The following SNTG1 variants were observed in gnomAD, a reference collection of about 807,000 sequenced individuals.
The protein encoded by SNTG1 is syntrophin gamma 1.
In SNTG1, 39 loss-of-function variants were observed where a neutral mutation model predicts 74.7. That is an observed-to-expected ratio of 0.52 (90% confidence interval 0.40 to 0.68). The LOEUF (loss-of-function observed/expected upper bound fraction) is 0.68, where lower values mean the gene tolerates loss of function less well. SNTG1 is among the 30% of genes least tolerant of loss of function. The pLI is 0.00. For synonymous variants in SNTG1, 254 were observed against 217.1 expected (o/e 1.17, Z -1.49); for missense variants, 685 against 609.5 (o/e 1.12, Z -1.30).
intron 1 of SNTG1, among the ~76,000 whole-genome samples, chr8:50,148,486 C>A (rs528403640): frequency 6.6e-6 from 1 of 152,112 alleles, no homozygotes; most frequent in Non-Finnish European, 1.5e-5. Context: ...TATACATATG[C>A]CATGTTGGTG....
chr8:50,363,379 G>T (rs2092015895), intron 2 of SNTG1, among the ~76,000 whole-genome samples: 1 of 152,182 alleles, frequency 6.6e-6, no homozygotes, highest in Non-Finnish European at 1.5e-5. Flanking sequence ...AGTGGCAGTG[G>T]TGGCCGAAGG....
intron 13 of SNTG1, among the ~76,000 whole-genome samples, chr8:50,635,263 T>C (rs534305901): frequency 3.7e-4 from 56 of 152,130 alleles, no homozygotes; most frequent in Non-Finnish European, 6.5e-4. Context: ...GTGACAACTT[T>C]AGTTTGGCCA....
intron 1 of SNTG1, among the ~76,000 whole-genome samples, chr8:50,160,294 C>A (rs913428144): frequency 4.6e-5 from 7 of 152,094 alleles, no homozygotes; most frequent in Non-Finnish European, 1.0e-4. Flanking sequence ...TCAATAATAT[C>A]TGAAATTTTT....
At chr8:50,131,531 A>G (rs1203121603) in intron 1 of SNTG1, among the ~76,000 whole-genome samples, 1 of 152,134 alleles carries the variant, frequency 6.6e-6, no homozygotes, top group Non-Finnish European at 1.5e-5. Flanking sequence ...ATAATATTCC[A>G]TTGTACATAT....
chr8:50,058,421 C>T (rs1021192732), intron 1 of SNTG1, among the ~76,000 whole-genome samples: 1 of 152,042 alleles, frequency 6.6e-6, no homozygotes, highest in South Asian at 2.1e-4. Context: ...GTCTCTATTT[C>T]CTATAAGGAA....
intron 1 of SNTG1, among the ~76,000 whole-genome samples, chr8:50,066,784 T>A (rs1820933148): frequency 1.3e-5 from 2 of 152,332 alleles, no homozygotes; most frequent in African/African-American, 2.4e-5. Flanking sequence ...TCACAGACAA[T>A]TCCCTCTGCA....
chr8:50,533,680 G>A (rs1277571490), intron 10 of SNTG1, among the ~76,000 whole-genome samples: 1 of 152,026 alleles, frequency 6.6e-6, no homozygotes, highest in East Asian at 1.9e-4. Flanking sequence ...TAAATAACAG[G>A]TCTATAATAT....
chr8:50,646,955 C>CA (rs1435987008), intron 13 of SNTG1, among the ~76,000 whole-genome samples: 3 of 151,778 alleles, frequency 2.0e-5, no homozygotes, highest in South Asian at 2.1e-4. Context: ...AAGAATACAA[C>CA]AAAAAAGGTG....
chr8:50,305,335 G>A (rs1053549499), intron 2 of SNTG1, among the ~76,000 whole-genome samples: 28 of 151,902 alleles, frequency 1.8e-4, no homozygotes, highest in African/African-American at 5.6e-4. Context: ...ATTTTTGCTC[G>A]GGTGATAAAA....
At chr8:50,283,853 T>C (rs2219574) in intron 2 of SNTG1, among the ~76,000 whole-genome samples, 89,809 of 151,966 alleles carry the variant, frequency 0.59, 29,188 homozygotes, top group East Asian at 0.85. Context: ...TTCAGATTTG[T>C]GGAAAAACTT....
chr8:50,406,550 C>T (rs958420828), intron 4 of SNTG1, among the ~76,000 whole-genome samples: 3 of 152,222 alleles, frequency 2.0e-5, no homozygotes, highest in Middle Eastern at 3.4e-3. Flanking sequence ...TTATTACTCT[C>T]GTTAAGATTT....
chr8:49,946,611 T>C (rs529082321), intron 1 of SNTG1, among the ~76,000 whole-genome samples: 6 of 152,352 alleles, frequency 3.9e-5, no homozygotes, highest in African/African-American at 1.4e-4. Context: ...GATTTTTTTT[T>C]CTGTTCTTTG....
intron 1 of SNTG1, among the ~76,000 whole-genome samples, chr8:49,996,201 A>C (rs1814199575): frequency 6.6e-6 from 1 of 152,134 alleles, no homozygotes; most frequent in Non-Finnish European, 1.5e-5. Flanking sequence ...AGAAGGTTTA[A>C]CTAATAATAC....
At chr8:50,165,029 A>T (rs1175393039) in intron 1 of SNTG1, among the ~76,000 whole-genome samples, 6 of 152,192 alleles carry the variant, frequency 3.9e-5, no homozygotes, top group Non-Finnish European at 5.9e-5. Context: ...CCTCCCCAGC[A>T]GGAAAAATAA....
chr8:50,500,510 T>C (rs945471271), intron 8 of SNTG1, among the ~76,000 whole-genome samples: 5 of 152,148 alleles, frequency 3.3e-5, no homozygotes, highest in Admixed American at 6.6e-5. Flanking sequence ...TGTCAGAGAG[T>C]TCCAATATGT....
chr8:50,741,780 T>C (rs1050592286), intron 17 of SNTG1, among the ~76,000 whole-genome samples: 1 of 152,042 alleles, frequency 6.6e-6, no homozygotes, highest in African/African-American at 2.4e-5. Flanking sequence ...GATTATATAC[T>C]GTATGATTCC....
At chr8:50,374,571 C>T (rs1325092120) in intron 2 of SNTG1, among the ~76,000 whole-genome samples, 1 of 152,122 alleles carries the variant, frequency 6.6e-6, no homozygotes. Context: ...TTCATAGGGA[C>T]AATTGGGACT....
chr8:50,688,477 C>T (rs1035691073), intron 15 of SNTG1, among the ~76,000 whole-genome samples: 1 of 152,174 alleles, frequency 6.6e-6, no homozygotes, highest in Admixed American at 6.5e-5. Flanking sequence ...CCACATATGG[C>T]TAGCCAGTTT....
intron 1 of SNTG1, among the ~76,000 whole-genome samples, chr8:49,990,791 C>G (rs1024185565): frequency 6.6e-6 from 1 of 151,986 alleles, no homozygotes; most frequent in Non-Finnish European, 1.5e-5. Flanking sequence ...AAACATAACT[C>G]AAAATGGATC....
Sources: gnomAD v4.1 joint callset for allele counts (sites outside exome capture counted in the v4.1 genomes callset) on GRCh38, gnomAD v4.1.1 for gene constraint, MANE v1.5 for transcripts, NCBI Gene and HGNC (gene_info 2026-07-23, HGNC 2026-07-21) for gene names.